The following TAFA1 variants were observed in gnomAD, a reference collection of about 807,000 sequenced individuals.
TAFA1 encodes the protein chemokine-like protein TAFA-1.
In TAFA1, 4 loss-of-function variants were observed where a neutral mutation model predicts 18.5. The ratio of observed to expected loss-of-function variants is 0.22; its 90% CI spans 0.11 to 0.49. The LOEUF (loss-of-function observed/expected upper bound fraction) is 0.49. TAFA1 is among the 20% of genes least tolerant of loss of function. The pLI is 0.98. For synonymous variants in TAFA1, 56 were observed against 55.2 expected (o/e 1.01, Z -0.06); for missense variants, 147 against 169.0 (o/e 0.87, Z 0.72).
chr3:68,382,383 G>A (rs2069986332), intron 2 of TAFA1, among the ~76,000 whole-genome samples: 1 of 151,818 alleles, frequency 6.6e-6, no homozygotes, highest in South Asian at 2.1e-4. Context: ...CTCTGTTTAA[G>A]TTGATTTTTG....
chr3:68,465,380 A>G (rs530487149), intron 3 of TAFA1, among the ~76,000 whole-genome samples: 1 of 152,284 alleles, frequency 6.6e-6, no homozygotes, highest in South Asian at 2.1e-4. Flanking sequence ...ATGACTAGAC[A>G]GCTGTAGGTG....
intron 3 of TAFA1, among the ~76,000 whole-genome samples, chr3:68,486,776 T>A (rs1005748305): frequency 6.6e-6 from 1 of 152,208 alleles, no homozygotes; most frequent in African/African-American, 2.4e-5. Context: ...CTGGATGTCT[T>A]GATATCTGGG....
chr3:68,531,231 G>A (rs894345344), intron 3 of TAFA1, among the ~76,000 whole-genome samples: 1 of 152,122 alleles, frequency 6.6e-6, no homozygotes, highest in Non-Finnish European at 1.5e-5. Flanking sequence ...ATGTGGGTCT[G>A]CAGCAGCCTC....
At chr3:68,275,354 G>A (rs1319290840) in intron 2 of TAFA1, among the ~76,000 whole-genome samples, 1 of 152,078 alleles carries the variant, frequency 6.6e-6, no homozygotes, top group African/African-American at 2.4e-5. Flanking sequence ...AAGGAGAGAT[G>A]TCCAAAGGCT....
intron 2 of TAFA1, among the ~76,000 whole-genome samples, chr3:68,050,991 C>G: frequency 6.6e-6 from 1 of 152,174 alleles, no homozygotes; most frequent in East Asian, 1.9e-4. Context: ...TACTTCTCAG[C>G]ACACATACTA....
At chr3:68,092,833 T>A (rs1380560486) in intron 2 of TAFA1, among the ~76,000 whole-genome samples, 1 of 152,130 alleles carries the variant, frequency 6.6e-6, no homozygotes, top group African/African-American at 2.4e-5. Context: ...GGATAAATCA[T>A]AATGGCTGAG....
intron 3 of TAFA1, among the ~76,000 whole-genome samples, chr3:68,483,555 A>G (rs892319231): frequency 2.6e-5 from 4 of 152,206 alleles, no homozygotes; most frequent in Non-Finnish European, 5.9e-5. Context: ...GCAGAATGGG[A>G]GAAGAAGACA....
chr3:68,155,228 C>G (rs2065852910), intron 2 of TAFA1, among the ~76,000 whole-genome samples: 3 of 152,168 alleles, frequency 2.0e-5, no homozygotes, highest in South Asian at 4.1e-4. Context: ...TCAGTAGCCA[C>G]TACATCACTC....
intron 2 of TAFA1, among the ~76,000 whole-genome samples, chr3:68,066,540 T>C (rs1369623936): frequency 6.6e-6 from 1 of 152,208 alleles, no homozygotes; most frequent in African/African-American, 2.4e-5. Flanking sequence ...CAGACAGTTC[T>C]GGAAAATATA....
chr3:68,223,607 G>A (rs2066759224), intron 2 of TAFA1, among the ~76,000 whole-genome samples: 1 of 151,728 alleles, frequency 6.6e-6, no homozygotes, highest in Non-Finnish European at 1.5e-5. Context: ...CTACAGAGAG[G>A]CACAATATGC....
intron 2 of TAFA1, among the ~76,000 whole-genome samples, chr3:68,135,625 T>C (rs2065598137): frequency 6.6e-6 from 1 of 152,222 alleles, no homozygotes; most frequent in Non-Finnish European, 1.5e-5. Flanking sequence ...TACCTAGCCT[T>C]GTGCTTGTAA....
chr3:68,216,984 T>C (rs546567538), intron 2 of TAFA1, among the ~76,000 whole-genome samples: 70 of 152,156 alleles, frequency 4.6e-4, no homozygotes, highest in African/African-American at 1.5e-3. Flanking sequence ...ATAATTTAGA[T>C]TGAAAATCTA....
intron 2 of TAFA1, among the ~76,000 whole-genome samples, chr3:68,377,695 C>A (rs891737166): frequency 1.3e-5 from 2 of 152,126 alleles, no homozygotes; most frequent in Non-Finnish European, 2.9e-5. Flanking sequence ...TTAGCAGTAT[C>A]CCCTCCCATC....
chr3:68,491,264 C>T (rs1325727454), intron 3 of TAFA1, among the ~76,000 whole-genome samples: 1 of 151,994 alleles, frequency 6.6e-6, no homozygotes, highest in Admixed American at 6.6e-5. Context: ...GCACTATTCA[C>T]AATAGCAAAG....
intron 3 of TAFA1, among the ~76,000 whole-genome samples, chr3:68,429,462 T>A (rs1038058135): frequency 6.6e-6 from 1 of 151,886 alleles, no homozygotes; most frequent in Non-Finnish European, 1.5e-5. Context: ...GGACCCCATG[T>A]GGGAACTGCT....
chr3:68,009,818 T>A (rs1183235845), intron 2 of TAFA1, among the ~76,000 whole-genome samples: 2 of 152,172 alleles, frequency 1.3e-5, no homozygotes, highest in Non-Finnish European at 2.9e-5. Context: ...TTTTCCCTTG[T>A]AGGTCTTAAA....
upstream of TAFA1, among the ~76,000 whole-genome samples, chr3:67,999,278 C>CTCT (rs1172758836): frequency 0.08 from 4,915 of 61,648 alleles, 122 homozygotes; most frequent in East Asian, 0.16. Context: ...CCCCCCCCCC[C>CTCT]CCCTCTCTCT....
chr3:68,484,220 T>G (rs995335717), intron 3 of TAFA1, among the ~76,000 whole-genome samples: 1 of 152,254 alleles, frequency 6.6e-6, no homozygotes, highest in East Asian at 1.9e-4. Flanking sequence ...TTTAGACTTA[T>G]AGCGTATCTC....
chr3:68,383,878 A>G (rs1006473225), intron 2 of TAFA1, among the ~76,000 whole-genome samples: 2 of 152,066 alleles, frequency 1.3e-5, no homozygotes, highest in African/African-American at 4.8e-5. Flanking sequence ...CTATTCAGGG[A>G]TTCAACTTCT....
Sources: allele counts gnomAD v4.1 joint callset (sites outside exome capture counted in the v4.1 genomes callset), GRCh38; gene constraint gnomAD v4.1.1; transcripts MANE v1.5; gene names NCBI Gene and HGNC (gene_info 2026-07-23, HGNC 2026-07-21).